The following DNAH2 variants were observed in gnomAD, a reference collection of about 807,000 sequenced individuals.
DNAH2 encodes dynein axonemal heavy chain 2.
DNAH2 carries 323 observed loss-of-function variants against 523.5 expected under a neutral mutation model. The observed-to-expected ratio is 0.62, with a 90% CI of 0.56 to 0.68. The LOEUF (loss-of-function observed/expected upper bound fraction) is 0.68, where lower values mean the gene tolerates loss of function less well. Ranked by LOEUF, DNAH2 falls within the 30% of genes least tolerant of loss-of-function variation. The pLI, the probability that DNAH2 is intolerant of heterozygous loss-of-function variation, is 0.00. For synonymous variants in DNAH2, 2,093 were observed against 2,177.4 expected, an observed-to-expected ratio of 0.96 and a Z score of 1.08; for missense variants, 4,907 against 5,701.5, an observed-to-expected ratio of 0.86 and a Z score of 4.49.
chr17:7,804,974 G>A lies in DNAH2; in HGVS notation c.9200G>A (p.Ser3067Asn). The A allele has an allele frequency of 1.2e-6, 2 of 1,614,164 alleles. No individual in the cohort carries two copies. The highest frequency in any genetic ancestry group is 1.7e-6 in the Non-Finnish European group (2 of 1,180,020). ...DEQQKAVTAN[S>N]EKIAVEEIKC... ...CATCCCTAGGCCGTAACAGCCAACA[G>A]TGAAAAGATTGCAGTTGAGGAAATC... Residue 3067 changes from serine (S) to asparagine (N), a missense_variant, in exon 60 of 86, where the codon AGT (serine) becomes AAT (asparagine). Transcript: ENST00000572933.
chr17:7,778,610 AT>A, intron 35 of DNAH2, 141 bp downstream of exon 35: 1 of 875,006 alleles, frequency 1.1e-6, no homozygotes, highest in South Asian at 2.8e-5. Flanking sequence ...TTATTTATTT[AT>A]TTTTTGGAGT....
Position 7,723,119 on chromosome 17 carries a change from A to G in DNAH2, c.167-509A>G, listed in dbSNP as rs1423329013. On this transcript the variant is annotated intron_variant, in intron 2 of 85. Transcript: ENST00000572933. The stretch of plus-strand genomic sequence containing the variant: ...AGAGTAGCTGGGACTACAGGCTCCC[A>G]CCAGCACATCTGGCTAATTTTTTGT... Among the ~76,000 whole-genome samples, 12 of 149,680 alleles carry G rather than the reference A, an allele frequency of 8.0e-5. No homozygotes were observed. In the South Asian group the frequency reaches 1.3e-3, roughly 16 times the overall value.
chr17:7,787,363 C>G, intron 42 of DNAH2: 1 of 411,066 alleles, frequency 2.4e-6, no homozygotes, highest in African/African-American at 2.0e-5. Flanking sequence ...CAAGCACACC[C>G]TTTTCCACCC....
intron 77 of DNAH2, among the ~76,000 whole-genome samples, chr17:7,826,706 T>C (rs2078031765): frequency 6.6e-6 from 1 of 151,770 alleles, no homozygotes; most frequent in Non-Finnish European, 1.5e-5. Context: ...ACCTGGCTAA[T>C]TTTTGTATTT....
intron 27 of DNAH2, 132 bp from the exon 28 acceptor site, chr17:7,771,198 T>C (rs2076304510): frequency 7.4e-7 from 1 of 1,349,096 alleles, no homozygotes. Flanking sequence ...TTGTAGAACT[T>C]GGGCATCTTG....
At chr17:7,818,165 T>C (rs1337586678) in intron 68 of DNAH2, 69 bp downstream of exon 68, 7 of 1,603,246 alleles carry the variant, frequency 4.4e-6, no homozygotes, top group African/African-American at 1.3e-5. Flanking sequence ...TCTGACTGTG[T>C]CCTCTTCTTA....
In DNAH2 at chr17:7,758,975, AG is replaced by A. The variant is rs2151194541; in HGVS notation, c.2300del (p.Ser767MetfsTer26). 2 of 1,614,222 alleles carry A rather than the reference AG, an allele frequency of 1.2e-6. No homozygotes were observed. The highest frequency in any genetic ancestry group is 1.7e-6 in the Non-Finnish European group (2 of 1,180,032). ...EMSEKLLVRI[S>X]GKRVYRDLEF... ...GTCAGAGAAGCTGCTGGTACGCATTAGTGGCAAACGGGTATACAGGGACCTG... is the reference window on the plus strand; with the variant it reads ...GTCAGAGAAGCTGCTGGTACGCATTATGGCAAACGGGTATACAGGGACCTG... On this transcript the variant is annotated frameshift_variant, in exon 15 of 86. Transcript: ENST00000572933. LOFTEE classifies it high-confidence loss of function.
intron 11 of DNAH2, among the ~76,000 whole-genome samples, chr17:7,741,234 C>G (rs900969134): frequency 1.5e-5 from 2 of 135,522 alleles, no homozygotes; most frequent in Admixed American, 7.5e-5. Flanking sequence ...TTTTTTCTCT[C>G]TCTCTTTCTT....
chr17:7,774,232 G>A (rs866279547), intron 28 of DNAH2, among the ~76,000 whole-genome samples: 2 of 152,084 alleles, frequency 1.3e-5, no homozygotes, highest in East Asian at 1.9e-4. Flanking sequence ...CTGTGATGTC[G>A]CAACAGTCGA....
intron 2 of DNAH2, among the ~76,000 whole-genome samples, chr17:7,722,569 CG>C (rs2074650282): frequency 6.6e-6 from 1 of 152,094 alleles, no homozygotes; most frequent in African/African-American, 2.4e-5. Flanking sequence ...CCCCTTCCCC[CG>C]CAGATCCCAG....
chr17:7,787,095 G>A (rs1597656627), intron 42 of DNAH2, 62 bp downstream of exon 42: 29 of 1,585,376 alleles, frequency 1.8e-5, no homozygotes, highest in Non-Finnish European at 2.4e-5. Context: ...CGTGGGCCGG[G>A]GCTGGGGAGG....
intron 28 of DNAH2, among the ~76,000 whole-genome samples, chr17:7,772,392 T>C (rs1342484344): frequency 2.6e-5 from 4 of 152,250 alleles, no homozygotes; most frequent in South Asian, 2.1e-4. Flanking sequence ...TTTGAAATAA[T>C]TGACAGAATT....
intron 77 of DNAH2, among the ~76,000 whole-genome samples, chr17:7,827,364 T>G (rs768294444): frequency 3.3e-5 from 5 of 152,162 alleles, no homozygotes; most frequent in Non-Finnish European, 7.3e-5. Flanking sequence ...AATTTATAAT[T>G]TGACTTTCAC....
intron 48 of DNAH2, among the ~76,000 whole-genome samples, chr17:7,793,454 TCTTTCTTTCTTTC>T (rs2076961880): frequency 1.2e-5 from 1 of 83,776 alleles, no homozygotes; most frequent in African/African-American, 3.9e-5. Context: ...TCTTTTTCTT[TCTTTCTTTCTTTC>T]TTTCTTTCTT....
intron 12 of DNAH2, among the ~76,000 whole-genome samples, chr17:7,752,449 G>C (rs552970863): frequency 6.6e-6 from 1 of 152,110 alleles, no homozygotes; most frequent in Non-Finnish European, 1.5e-5. Context: ...GGTGGCTCAC[G>C]CCTGTAATCC....
At chr17:7,758,845 T>C in intron 14 of DNAH2, 40 bp from the exon 15 acceptor site, 1 of 1,609,386 alleles carries the variant, frequency 6.2e-7, no homozygotes, top group African/African-American at 1.3e-5. Context: ...GATGGTCTCT[T>C]CCCGAGCTGA....
At chr17:7,742,893 G>T in intron 11 of DNAH2, 35 bp from the exon 12 acceptor site, 1 of 1,412,538 alleles carries the variant, frequency 7.1e-7, no homozygotes, top group African/African-American at 1.5e-5. Context: ...GAAGGTGGCA[G>T]GCCGACTCCA....
chr17:7,730,375 G>A (rs1597466036), intron 4 of DNAH2, among the ~76,000 whole-genome samples: 1 of 152,122 alleles, frequency 6.6e-6, no homozygotes, highest in Admixed American at 6.6e-5. Flanking sequence ...TAACAGATAC[G>A]AAAGACTAAC....
chr17:7,823,381 A>G (rs2077919881), intron 73 of DNAH2, 61 bp from the exon 74 acceptor site: 1 of 1,522,296 alleles, frequency 6.6e-7, no homozygotes, highest in Admixed American at 1.8e-5. Flanking sequence ...GGAGAAAAAG[A>G]TCACTCTTCT....
Sources: gnomAD v4.1 joint callset for allele counts (sites outside exome capture counted in the v4.1 genomes callset) on GRCh38, gnomAD v4.1.1 for gene constraint, MANE v1.5 for transcripts, NCBI Gene and HGNC (gene_info 2026-07-23, HGNC 2026-07-21) for gene names.